Variants in EFCAB8 observed in about 807,000 individuals in gnomAD.
EFCAB8 encodes the protein EF-hand calcium-binding domain-containing protein 8.
EFCAB8 carries 100 observed loss-of-function variants against 116.3 expected under a neutral mutation model. That is an observed-to-expected ratio of 0.86 (90% confidence interval 0.73 to 1.02). The LOEUF is 1.02. Among genes scored for constraint, EFCAB8 ranks in the 50% least tolerant of loss-of-function variants. EFCAB8 has a pLI of 0.00. For missense variants in EFCAB8, 1,320 were observed against 1,416.9 expected, an observed-to-expected ratio of 0.93 and a Z score of 1.10; for synonymous variants, 558 against 567.9, an observed-to-expected ratio of 0.98 and a Z score of 0.25.
chr20:32,945,950 C>A (rs1181848782), intron 23 of EFCAB8, among the ~76,000 whole-genome samples: 1 of 152,184 alleles, frequency 6.6e-6, no homozygotes, highest in Non-Finnish European at 1.5e-5. Flanking sequence ...TTCCCCCAGG[C>A]CTCTAGAATA....
rs1371318912 is a variant in EFCAB8, at chr20:32,917,416, G to C, written c.1972G>C (p.Gly658Arg). 4 of 1,551,964 alleles carry C rather than the reference G, an allele frequency of 2.6e-6. No homozygotes were observed. The Admixed American group carries it at 7.8e-5, about 30-fold the overall frequency. The change falls in exon 18 of 27, where the codon GGG (glycine) becomes CGG (arginine). Residue 658 changes from glycine (G) to arginine (R), a missense_variant. Coordinates refer to ENST00000400522, the MANE Select transcript of EFCAB8 (RefSeq NM_001143967.2). ...GTTCCTTGGGACCTCCTCCTACAGT[G>C]GGGACATCCTCTTCTGGAACACCGG... ...NQFLGTSSYS[G>R]DILFWNTGTL...
chr20:32,918,699 T>G, intron 19 of EFCAB8, 125 bp downstream of exon 19: 1 of 928,032 alleles, frequency 1.1e-6, no homozygotes, highest in Non-Finnish European at 1.6e-6. Flanking sequence ...GTCCCTCAAC[T>G]CACTTGTTTT....
Position 32,940,128 on chromosome 20 carries a change from T to C in EFCAB8, c.2791-3508T>C, listed in dbSNP as rs75332537. ...GATATAGATAGTAAGAAAAAAATCT[T>C]GAGAAAGAACAGAGTTGAAGGACTC... On this transcript the variant is annotated intron_variant, in intron 22 of 26. Transcript: ENST00000400522. Among the ~76,000 whole-genome samples the C allele has an allele frequency of 3.5e-3, 510 of 145,316 alleles. 38 individuals carry two copies. Among genetic ancestry groups the C allele is most frequent in the African/African-American group, 0.013 (495 of 38,600 alleles).
chr20:32,958,653 G>A, intron 24 of EFCAB8, 103 bp downstream of exon 24: 1 of 401,840 alleles, frequency 2.5e-6, no homozygotes, highest in Non-Finnish European at 4.5e-6. Context: ...GTAGAGCTAG[G>A]CATGGGTGGG....
chr20:32,912,445 AG>A (rs60305881), intron 16 of EFCAB8, among the ~76,000 whole-genome samples: 64,223 of 141,372 alleles, frequency 0.45, 15,279 homozygotes, highest in African/African-American at 0.58. Context: ...AAAAAAAAAA[AG>A]AAGAAGAAGA....
chr20:32,909,942 C>T lies in EFCAB8; in HGVS notation c.1557+11C>T. The T allele has an allele frequency of 6.5e-6, 8 of 1,236,150 alleles. No individual in the cohort carries two copies. The highest frequency in any genetic ancestry group is 8.2e-6 in the Non-Finnish European group (8 of 976,422). The allele number at this position is 1,236,150 out of a possible 1,614,324, so 76.6% of individuals were successfully genotyped here. A position where few individuals can be genotyped will look rare whatever the true frequency, so the allele number is the denominator to read the frequency against. ...AAGATCTTTAAGCAGGTGAGTGGCCCAGGGCTCGCCTCTGAGGCTGGCGGG... is the reference window on the plus strand; with the variant it reads ...AAGATCTTTAAGCAGGTGAGTGGCCTAGGGCTCGCCTCTGAGGCTGGCGGG... On this transcript the variant is annotated intron_variant, in intron 15 of 26. Coordinates refer to ENST00000400522, the MANE Select transcript of EFCAB8 (RefSeq NM_001143967.2).
At chr20:32,898,402 C>G (rs1406281563) in intron 10 of EFCAB8, 91 bp from the exon 11 acceptor site, 1 of 661,274 alleles carries the variant, frequency 1.5e-6, no homozygotes, top group African/African-American at 1.8e-5. Context: ...CTCTGGGCAC[C>G]TCCAGTCCCA....
chr20:32,867,200 A>G (rs1346818573), intron 2 of EFCAB8, among the ~76,000 whole-genome samples: 1 of 152,228 alleles, frequency 6.6e-6, no homozygotes, highest in Non-Finnish European at 1.5e-5. Context: ...GATTATGGGC[A>G]TGAGCCACCA....
chr20:32,931,360 C>T, intron 22 of EFCAB8, 24 bp downstream of exon 22: 3 of 1,512,096 alleles, frequency 2.0e-6, no homozygotes, highest in Non-Finnish European at 2.7e-6. Context: ...TGGAGAGTTG[C>T]TCAGGAAAGT....
intron 22 of EFCAB8, among the ~76,000 whole-genome samples, chr20:32,931,781 C>T (rs968640633): frequency 7.9e-5 from 12 of 151,924 alleles, no homozygotes; most frequent in Non-Finnish European, 1.6e-4. Flanking sequence ...AGTTAGTATT[C>T]GTAATAATGC....
At chr20:32,896,383 C>G (rs1349626268) in intron 9 of EFCAB8, 71 bp from the exon 10 acceptor site, 1 of 702,862 alleles carries the variant, frequency 1.4e-6, no homozygotes, top group Non-Finnish European at 2.6e-6. Context: ...CTCAAGACGT[C>G]TTCTGAGGCT....
Position 32,909,754 on chromosome 20 carries a change from G to A in EFCAB8, c.1447-67G>A, listed in dbSNP as rs78351341. On this transcript the variant is annotated intron_variant, in intron 14 of 26. Coordinates refer to ENST00000400522, the MANE Select transcript of EFCAB8 (RefSeq NM_001143967.2). ...TCGTGATTTATTGGAAGTTTTTCCC[G>A]GCAGCCCATCACTGTGAGCAGAGCC... 1,345 of 818,436 alleles carry A rather than the reference G, an allele frequency of 1.6e-3. 2 individuals carry two copies. Among genetic ancestry groups the A allele is most frequent in the Non-Finnish European group, 1.6e-3 (962 of 594,990 alleles). The allele number at this position is 818,436 out of a possible 1,614,324, so 50.7% of individuals were successfully genotyped here.
At chr20:32,877,117 G>T (rs909494911) in intron 4 of EFCAB8, among the ~76,000 whole-genome samples, 1 of 151,934 alleles carries the variant, frequency 6.6e-6, no homozygotes, top group Non-Finnish European at 1.5e-5. Flanking sequence ...GAGAGTCCCT[G>T]CGTTAACTGC....
intron 14 of EFCAB8, among the ~76,000 whole-genome samples, chr20:32,908,635 C>G (rs1986787422): frequency 6.6e-6 from 1 of 152,234 alleles, no homozygotes; most frequent in Non-Finnish European, 1.5e-5. Context: ...CTGCTGCTGT[C>G]TGCACTGTCC....
intron 20 of EFCAB8, among the ~76,000 whole-genome samples, chr20:32,922,872 CAT>C (rs2146264110): frequency 6.6e-6 from 1 of 152,216 alleles, no homozygotes; most frequent in South Asian, 2.1e-4. Flanking sequence ...GAAAGTGATA[CAT>C]GTCCTTAATT....
intron 11 of EFCAB8, among the ~76,000 whole-genome samples, chr20:32,906,305 T>G (rs1252870973): frequency 6.6e-6 from 1 of 152,180 alleles, no homozygotes; most frequent in Non-Finnish European, 1.5e-5. Flanking sequence ...GAAGGTGGCA[T>G]CTGGCCTGTG....
At chr20:32,903,921 G>A (rs1271951352) in intron 11 of EFCAB8, among the ~76,000 whole-genome samples, 1 of 152,216 alleles carries the variant, frequency 6.6e-6, no homozygotes, top group Non-Finnish European at 1.5e-5. Flanking sequence ...CCCCCCGGGA[G>A]TGGTGGAGGA....
intron 10 of EFCAB8, among the ~76,000 whole-genome samples, chr20:32,896,739 G>C (rs570396733): frequency 1.3e-5 from 2 of 152,314 alleles, no homozygotes; most frequent in African/African-American, 4.8e-5. Context: ...TACCGCCATT[G>C]CTAAGCCCTG....
chr20:32,870,350 A>G (rs1984626014), intron 3 of EFCAB8, among the ~76,000 whole-genome samples: 1 of 152,226 alleles, frequency 6.6e-6, no homozygotes, highest in Admixed American at 6.5e-5. Context: ...ATACCCACAC[A>G]GTTCAATATA....
Sources: gnomAD v4.1 joint callset for allele counts (sites outside exome capture counted in the v4.1 genomes callset) on GRCh38, gnomAD v4.1.1 for gene constraint, MANE v1.5 for transcripts, NCBI Gene and HGNC (gene_info 2026-07-23, HGNC 2026-07-21) for gene names.